The following SV2C variants were observed in gnomAD, a reference collection of about 807,000 sequenced individuals.
The protein encoded by SV2C is synaptic vesicle glycoprotein 2C.
A neutral mutation model predicts 79.7 loss-of-function variants in SV2C; 49 were observed. The ratio of observed to expected loss-of-function variants is 0.61; its 90% CI spans 0.49 to 0.78. The LOEUF (loss-of-function observed/expected upper bound fraction) is 0.78. SV2C is among the 30% of genes least tolerant of loss of function. SV2C has a pLI of 0.00. For missense variants in SV2C, 833 were observed against 912.9 expected, an observed-to-expected ratio of 0.91 and a Z score of 1.13; for synonymous variants, 334 against 333.2, an observed-to-expected ratio of 1.00 and a Z score of -0.03.
the SV2C span, among the ~76,000 whole-genome samples, chr5:75,947,336 C>A: frequency 6.6e-6 from 1 of 152,090 alleles, no homozygotes; most frequent in East Asian, 1.9e-4. Context: ...CCTCCATATT[C>A]CTTTTTATTT....
At chr5:76,341,355 T>C (rs1749437633) in intron 12 of SV2C, among the ~76,000 whole-genome samples, 1 of 151,734 alleles carries the variant, frequency 6.6e-6, no homozygotes, top group East Asian at 2.0e-4. Context: ...CTGAACAGCA[T>C]CCATCTCTAC....
the SV2C span, among the ~76,000 whole-genome samples, chr5:75,965,459 C>T: frequency 6.6e-6 from 1 of 152,164 alleles, no homozygotes; most frequent in Admixed American, 6.5e-5. Flanking sequence ...CTTAAGGGAA[C>T]TTATTTGCCT....
At chr5:76,237,475 C>T (rs1745647157) in intron 4 of SV2C, among the ~76,000 whole-genome samples, 1 of 152,176 alleles carries the variant, frequency 6.6e-6, no homozygotes, top group African/African-American at 2.4e-5. Flanking sequence ...AGGTCTGCTG[C>T]ATATCTGTCA....
chr5:75,921,579 A>T, the SV2C span: 2 of 958,078 alleles, frequency 2.1e-6, no homozygotes, highest in South Asian at 2.6e-5. Context: ...CGGCCCGTGA[A>T]GTTCCTGTTG....
At chr5:76,234,649 A>G (rs997926031) in intron 4 of SV2C, among the ~76,000 whole-genome samples, 3 of 152,212 alleles carry the variant, frequency 2.0e-5, no homozygotes, top group African/African-American at 7.2e-5. Flanking sequence ...GTCCTTAAAA[A>G]CAAGCATTCT....
At chr5:76,204,018 G>A (rs1744532707) in intron 3 of SV2C, among the ~76,000 whole-genome samples, 1 of 152,148 alleles carries the variant, frequency 6.6e-6, no homozygotes, top group African/African-American at 2.4e-5. Flanking sequence ...TATTTTCTGT[G>A]CCAACCTAGC....
At chr5:76,060,586 G>A in the SV2C span, among the ~76,000 whole-genome samples, 1 of 152,062 alleles carries the variant, frequency 6.6e-6, no homozygotes, top group African/African-American at 2.4e-5. Context: ...AAGAGAGTTA[G>A]GGCTTTGTTC....
chr5:76,019,008 G>A, the SV2C span, among the ~76,000 whole-genome samples: 1 of 152,152 alleles, frequency 6.6e-6, no homozygotes, highest in Non-Finnish European at 1.5e-5. Context: ...TTTGAGTGTG[G>A]TATTAGGAGA....
intron 2 of SV2C, among the ~76,000 whole-genome samples, chr5:76,170,373 G>A (rs1341731066): frequency 1.7e-5 from 2 of 117,046 alleles, no homozygotes; most frequent in Admixed American, 9.9e-5. Flanking sequence ...CAACCAAAAC[G>A]TTACACATGT....
At chr5:76,085,018 G>A (rs1199309824) in intron 1 of SV2C, among the ~76,000 whole-genome samples, 1 of 152,246 alleles carries the variant, frequency 6.6e-6, no homozygotes, top group Non-Finnish European at 1.5e-5. Flanking sequence ...CCGGGATGCC[G>A]TGATGGTCTC....
the SV2C span, among the ~76,000 whole-genome samples, chr5:75,849,398 C>T: frequency 6.6e-6 from 1 of 152,120 alleles, no homozygotes; most frequent in Non-Finnish European, 1.5e-5. Context: ...AATCTATGGT[C>T]TGTATACACA....
At chr5:76,282,061 C>T (rs1477480166) in intron 4 of SV2C, among the ~76,000 whole-genome samples, 1 of 152,122 alleles carries the variant, frequency 6.6e-6, no homozygotes, top group Non-Finnish European at 1.5e-5. Context: ...ATCCTATTTG[C>T]CTTTGAAAAC....
the SV2C span, among the ~76,000 whole-genome samples, chr5:76,003,818 T>C: frequency 6.6e-6 from 1 of 151,906 alleles, no homozygotes; most frequent in Non-Finnish European, 1.5e-5. Context: ...CCCAGGGCCA[T>C]AGGGTGTGGA....
At chr5:75,931,097 C>T in the SV2C span, among the ~76,000 whole-genome samples, 163 of 152,290 alleles carry the variant, frequency 1.1e-3, no homozygotes, top group African/African-American at 3.4e-3. Flanking sequence ...TGTGCCACTG[C>T]ACTCCAGTCT....
At chr5:76,049,011 GAAAGAAAGAAAGA>G in the SV2C span, among the ~76,000 whole-genome samples, 70 of 89,306 alleles carry the variant, frequency 7.8e-4, no homozygotes, top group South Asian at 2.6e-3. Flanking sequence ...AAGAAAGAAA[GAAAGAAAGAAAGA>G]AAAAGAAAAG....
the SV2C span, among the ~76,000 whole-genome samples, chr5:75,952,634 CCTT>C: frequency 6.6e-6 from 1 of 151,752 alleles, no homozygotes; most frequent in Non-Finnish European, 1.5e-5. Flanking sequence ...GAGACCTCCT[CCTT>C]CTCTCTCTTC....
the SV2C span, among the ~76,000 whole-genome samples, chr5:76,074,912 T>C: frequency 0.2 from 30,139 of 152,184 alleles, 3,368 homozygotes; most frequent in East Asian, 0.46. Flanking sequence ...ACAGCTCAAC[T>C]CAAATCAGTA....
At chr5:75,927,906 C>A in the SV2C span, among the ~76,000 whole-genome samples, 11 of 152,268 alleles carry the variant, frequency 7.2e-5, no homozygotes, top group East Asian at 9.6e-4. Context: ...CAGGAGCCAC[C>A]AAAGACCAGG....
chr5:75,855,569 C>T, the SV2C span, among the ~76,000 whole-genome samples: 1 of 152,090 alleles, frequency 6.6e-6, no homozygotes, highest in African/African-American at 2.4e-5. Flanking sequence ...CTCTGTGTCA[C>T]ATCTTGGTAA....
Sources: gnomAD v4.1 joint callset for allele counts (sites outside exome capture counted in the v4.1 genomes callset) on GRCh38, gnomAD v4.1.1 for gene constraint, MANE v1.5 for transcripts, NCBI Gene and HGNC (gene_info 2026-07-23, HGNC 2026-07-21) for gene names.